The following GLCE variants were observed in gnomAD, a reference collection of about 807,000 sequenced individuals.
GLCE encodes the protein D-glucuronyl C5-epimerase.
In GLCE, 19 loss-of-function variants were observed where a neutral mutation model predicts 47.9. The ratio of observed to expected loss-of-function variants is 0.40; its 90% CI spans 0.28 to 0.58. The LOEUF (loss-of-function observed/expected upper bound fraction) is 0.58, where lower values mean the gene tolerates loss of function less well. GLCE is among the 20% of genes least tolerant of loss of function. GLCE has a pLI of 0.48. For missense variants in GLCE, 556 were observed against 743.3 expected, an observed-to-expected ratio of 0.75 and a Z score of 2.93; for synonymous variants, 245 against 263.4, an observed-to-expected ratio of 0.93 and a Z score of 0.68.
In GLCE at chr15:69,268,731, A is replaced by G. The variant is rs750709865; in HGVS notation, c.1341A>G (p.Gln447=). The G allele has an allele frequency of 6.2e-7, 1 of 1,614,234 alleles. No homozygotes were observed. The highest frequency in any genetic ancestry group is 8.5e-7 in the Non-Finnish European group (1 of 1,180,034). ...LEPGWYSAMA[Q]GQAISTLVRA... The stretch of plus-strand genomic sequence containing the variant: ...CAGGATGGTATTCTGCCATGGCCCA[A>G]GGGCAAGCCATTTCTACATTAGTCA... The change falls in exon 5 of 5, where the codon CAA becomes CAG. Residue 447 remains glutamine (Q), a synonymous_variant. Coordinates refer to ENST00000261858, the MANE Select transcript of GLCE (RefSeq NM_015554.3).
Position 69,256,251 on chromosome 15 carries a change from TA to T in GLCE, c.446del (p.Tyr149LeufsTer43), listed in dbSNP as rs2052923126. On this transcript the variant is annotated frameshift_variant, in exon 3 of 5. Coordinates refer to ENST00000261858, the MANE Select transcript of GLCE (RefSeq NM_015554.3). LOFTEE classifies it high-confidence loss of function. The stretch of plus-strand genomic sequence containing the variant: ...TGGAAAGGTGGTTCAGTATGATGGC[TA>T]TGATCGGTTTGAATTCTCTCATAGC... ...VYGKVVQYDG[Y>X]DRFEFSHSYS... 1.2e-6 allele frequency: 2 copies of T among 1,614,108 alleles called. No homozygotes were observed. The highest frequency in any genetic ancestry group is 1.7e-6 in the Non-Finnish European group (2 of 1,179,936).
chr15:69,231,994 T>C (rs1012081960), intron 2 of GLCE, among the ~76,000 whole-genome samples: 2 of 151,954 alleles, frequency 1.3e-5, no homozygotes, highest in Non-Finnish European at 2.9e-5. Context: ...GGTTTCACCA[T>C]ATTGGCCAGG....
intron 1 of GLCE, among the ~76,000 whole-genome samples, chr15:69,179,260 CT>C (rs2140338429): frequency 6.6e-6 from 1 of 152,120 alleles, no homozygotes; most frequent in East Asian, 1.9e-4. Context: ...GTATTTATTT[CT>C]TGTCAAGAGA....
chr15:69,170,079 G>A (rs1030143785), intron 1 of GLCE, among the ~76,000 whole-genome samples: 1 of 151,918 alleles, frequency 6.6e-6, no homozygotes, highest in African/African-American at 2.4e-5. Flanking sequence ...CAAAAGATAA[G>A]ACCTTAAAAA....
chr15:69,165,835 C>T (rs2140323099), intron 1 of GLCE, among the ~76,000 whole-genome samples: 1 of 152,280 alleles, frequency 6.6e-6, no homozygotes, highest in African/African-American at 2.4e-5. Context: ...GAGTTAAACT[C>T]AAATCTCAGT....
intron 1 of GLCE, among the ~76,000 whole-genome samples, chr15:69,173,172 T>C (rs1181444930): frequency 4.6e-5 from 7 of 152,242 alleles, no homozygotes; most frequent in African/African-American, 1.7e-4. Flanking sequence ...ATTATTCTTT[T>C]CTACTCTGCA....
chr15:69,261,809 A>T (rs1300647829), intron 4 of GLCE, among the ~76,000 whole-genome samples: 8 of 152,220 alleles, frequency 5.3e-5, no homozygotes, highest in African/African-American at 1.4e-4. Context: ...TTGTTAATGT[A>T]GTAGATTATC....
rs561214387 is a variant in GLCE at position 69,223,846 on chromosome 15, G to A, written c.-14+13440G>A. Among the ~76,000 whole-genome samples the A allele has an allele frequency of 2.0e-5, 3 of 151,966 alleles. No individual in the cohort carries two copies. In the East Asian group the frequency reaches 5.8e-4, roughly 29 times the overall value. ...CTGATTCTTCAGCCTGCTCAGATATGCCTTTGAATCTATATAGTGAATTTT... is the reference window on the plus strand; with the variant it reads ...CTGATTCTTCAGCCTGCTCAGATATACCTTTGAATCTATATAGTGAATTTT... On this transcript the variant is annotated intron_variant, in intron 2 of 4. Transcript: ENST00000261858.
chr15:69,179,475 C>T (rs937102395), intron 1 of GLCE, among the ~76,000 whole-genome samples: 9 of 152,148 alleles, frequency 5.9e-5, no homozygotes, highest in Admixed American at 2.0e-4. Flanking sequence ...TTTACAGGCA[C>T]TCATTGTATG....
At chr15:69,184,533 C>G (rs1233973032) in intron 1 of GLCE, among the ~76,000 whole-genome samples, 1 of 152,136 alleles carries the variant, frequency 6.6e-6, no homozygotes, top group Admixed American at 6.5e-5. Flanking sequence ...TTCTTAAGCA[C>G]CTTTTGTTGT....
rs966595415 is a variant in GLCE at position 69,269,887 on chromosome 15, A to C, written c.*643A>C. 6.6e-6 allele frequency: 1 copy of C among 152,662 alleles called. No homozygotes were observed. The highest frequency in any genetic ancestry group is 1.5e-5 in the Non-Finnish European group (1 of 68,044). The allele number at this position is 152,662 out of a possible 1,614,324, so 9.5% of individuals were successfully genotyped here. Reference sequence around the variant, plus strand: ...TGTTCAGGCTTCAGTTATATAATGTAAGCACAACTAAAATGAAACTTGTTG... The same window carrying C: ...TGTTCAGGCTTCAGTTATATAATGTCAGCACAACTAAAATGAAACTTGTTG... On this transcript the variant is annotated 3_prime_UTR_variant, in exon 5 of 5. Coordinates refer to ENST00000261858, the MANE Select transcript of GLCE (RefSeq NM_015554.3).
At chr15:69,250,910 A>G (rs1158852334) in intron 2 of GLCE, among the ~76,000 whole-genome samples, 6 of 151,852 alleles carry the variant, frequency 4.0e-5, no homozygotes, top group African/African-American at 1.5e-4. Context: ...GCTGTTCTGT[A>G]ACCTATATTT....
rs190876841 is a variant in GLCE at position 69,248,005 on chromosome 15, A to G, written c.-13-7789A>G. Among the ~76,000 whole-genome samples, 83 of 152,346 alleles carry G rather than the reference A, an allele frequency of 5.4e-4. 1 individual carries two copies. Among genetic ancestry groups the G allele is most frequent in the Middle Eastern group, 3.4e-3 (1 of 292 alleles). On this transcript the variant is annotated intron_variant, in intron 2 of 4. Coordinates refer to ENST00000261858, the MANE Select transcript of GLCE (RefSeq NM_015554.3). ...AGTAACATAGAGCATGTCCATATATATACCCGCTACTCAGTTTCCTTGGGA... is the reference window on the plus strand; with the variant it reads ...AGTAACATAGAGCATGTCCATATATGTACCCGCTACTCAGTTTCCTTGGGA...
chr15:69,175,267 C>T (rs1341531251), intron 1 of GLCE, among the ~76,000 whole-genome samples: 2 of 152,162 alleles, frequency 1.3e-5, no homozygotes, highest in African/African-American at 4.8e-5. Flanking sequence ...ATCATCCTCA[C>T]ATTCTTAATA....
At chr15:69,189,723 C>T (rs114344363) in intron 1 of GLCE, among the ~76,000 whole-genome samples, 4,138 of 152,132 alleles carry the variant, frequency 0.027, 193 homozygotes, top group African/African-American at 0.094. Flanking sequence ...CATTCCTGCT[C>T]ATCTATCTTT....
chr15:69,263,067 A>G (rs2053036208), intron 4 of GLCE, among the ~76,000 whole-genome samples: 1 of 152,144 alleles, frequency 6.6e-6, no homozygotes, highest in African/African-American at 2.4e-5. Context: ...GAAGATCTGG[A>G]ATTTTCCACT....
intron 1 of GLCE, among the ~76,000 whole-genome samples, chr15:69,178,216 G>A (rs142233834): frequency 1.7e-4 from 26 of 152,168 alleles, no homozygotes; most frequent in Admixed American, 1.6e-3. Flanking sequence ...CTTGTAGCTC[G>A]GTAAGAGTAA....
chr15:69,211,371 A>G (rs957032217), intron 2 of GLCE, among the ~76,000 whole-genome samples: 1 of 152,000 alleles, frequency 6.6e-6, no homozygotes, highest in African/African-American at 2.4e-5. Flanking sequence ...GAGAGTGATG[A>G]TTGTGTGTTT....
chr15:69,221,288 A>C (rs1566959969), intron 2 of GLCE, among the ~76,000 whole-genome samples: 1 of 152,200 alleles, frequency 6.6e-6, no homozygotes, highest in African/African-American at 2.4e-5. Context: ...AAAACATGTC[A>C]TCAGGATTTT....
Sources: gnomAD v4.1 joint callset for allele counts (sites outside exome capture counted in the v4.1 genomes callset) on GRCh38, gnomAD v4.1.1 for gene constraint, MANE v1.5 for transcripts, NCBI Gene and HGNC (gene_info 2026-07-23, HGNC 2026-07-21) for gene names.